The following HCFC1 variants were observed in gnomAD, a reference collection of about 807,000 sequenced individuals.
The protein encoded by HCFC1 is host cell factor C1.
A neutral mutation model predicts 105.5 loss-of-function variants in HCFC1; 7 were observed. The observed-to-expected ratio is 0.07, with a 90% CI of 0.04 to 0.12. The LOEUF (loss-of-function observed/expected upper bound fraction) is 0.12, where lower values mean the gene tolerates loss of function less well. Among genes scored for constraint, HCFC1 ranks in the 10% least tolerant of loss-of-function variants. The probability of loss-of-function intolerance (pLI) is 1.00; values close to 1 mark genes in which losing one functional copy is unlikely to be tolerated. For synonymous variants in HCFC1, 918 were observed against 828.1 expected, an observed-to-expected ratio of 1.11 and a Z score of -1.86; for missense variants, 1,065 against 1,823.6, an observed-to-expected ratio of 0.58 and a Z score of 7.58.
At position 153,954,838 on chromosome X, in the gene HCFC1, G is replaced by A. The variant is rs1272556365; in HGVS notation, c.3561C>T (p.Cys1187=). 8.7e-7 allele frequency: 1 copy of A among 1,150,897 alleles called. No homozygotes were observed. Among genetic ancestry groups the A allele is most frequent in the East Asian group, 3.3e-5 (1 of 30,749 alleles). 94.8% of individuals were successfully genotyped at this position (1,150,897 alleles called of 1,213,427 possible). A position where few individuals can be genotyped will look rare whatever the true frequency, so the allele number is the denominator to read the frequency against. Residue 1187 remains cysteine, a synonymous_variant, in exon 17 of 26, where the codon TGC becomes TGT. Coordinates refer to ENST00000310441, the MANE Select transcript of HCFC1 (RefSeq NM_005334.3). ...TCGGCCCAAGGAGTGGGCCGGCCGA[G>A]CACGGGGCCCCGGTGGCCATCACAG... is the stretch of plus-strand genomic sequence containing the variant. ...TMTVMATGAP[C]SAGPLLGPSM...
intron 13 of HCFC1, 57 bp downstream of exon 13, chrX:153,957,257 T>C (rs1603296380): frequency 1.9e-6 from 2 of 1,056,816 alleles, no homozygotes; most frequent in Non-Finnish European, 2.6e-6. Flanking sequence ...TAACCCGGAC[T>C]CCATTTCCCC....
intron 14 of HCFC1, 53 bp downstream of exon 14, chrX:153,956,865 T>A: frequency 8.3e-7 from 1 of 1,203,560 alleles, no homozygotes; most frequent in South Asian, 1.8e-5. Flanking sequence ...CGTGGCGTGC[T>A]GGGGTGGACT....
intron 18 of HCFC1, 152 bp from the exon 19 acceptor site, chrX:153,953,110 CCT>C (rs2065331251): frequency 3.8e-6 from 2 of 528,629 alleles, no homozygotes; most frequent in East Asian, 3.6e-5. Context: ...GAGAGAAGCC[CCT>C]GTCAGAGGGG....
At chrX:153,961,053 C>T (rs2065425072) in intron 6 of HCFC1, among the ~76,000 whole-genome samples, 1 of 112,860 alleles carries the variant, frequency 8.9e-6, no homozygotes, top group African/African-American at 3.2e-5. Flanking sequence ...GGCGCCTGTA[C>T]AAGTTACAGC....
At position 153,971,228 on chromosome X, in the gene HCFC1, T is replaced by C. The variant is rs1441550855; in HGVS notation, c.-388A>G. 1 of 307,145 alleles carries C rather than the reference T, an allele frequency of 3.3e-6. No individual in the cohort carries two copies. Among genetic ancestry groups the C allele is most frequent in the African/African-American group, 2.8e-5 (1 of 36,227 alleles). The allele number at this position is 307,145 out of a possible 1,213,427, so 25.3% of individuals were successfully genotyped here. A position where few individuals can be genotyped will look rare whatever the true frequency, so the allele number is the denominator to read the frequency against. ...AGTCGTAGCCCTCCCCCGCCGGAAA[T>C]GGCGGAGCCCCGGCCCGGTTCCCAC... On this transcript the variant is annotated 5_prime_UTR_variant, in exon 1 of 26. Coordinates refer to ENST00000310441, the MANE Select transcript of HCFC1 (RefSeq NM_005334.3).
rs782013907 is a variant in HCFC1 at position 153,954,308 on chromosome X, G to T, written c.4091C>A (p.Ser1364Tyr). 8.3e-7 allele frequency: 1 copy of T among 1,199,181 alleles called. No individual in the cohort carries two copies. Among genetic ancestry groups the T allele is most frequent in the Admixed American group, 2.2e-5 (1 of 45,492 alleles). ...GCTGACCGACATGGTGGTGCCAGTG[G>T]AAGTGGTCTGGTGTGTCTCACAGGG... ...GRPCETHQTT[S>Y]TGTTMSVSVG... Residue 1364 changes from serine (S) to tyrosine (Y), a missense_variant, in exon 17 of 26, where the codon TCC becomes TAC. By Grantham distance (144) the Ser-to-Tyr change is moderately radical. Transcript: ENST00000310441.
chrX:153,960,746 AAC>A (rs1332158131), intron 6 of HCFC1, among the ~76,000 whole-genome samples: 1 of 112,288 alleles, frequency 8.9e-6, no homozygotes, highest in Admixed American at 9.4e-5. Context: ...CTTAAGAAAA[AAC>A]ACACACTCTC....
chrX:153,960,013 G>A lies in HCFC1; in HGVS notation c.1233C>T (p.Ser411=). The A allele has an allele frequency of 1.7e-6, 2 of 1,208,746 alleles. No individual in the cohort carries two copies. Among genetic ancestry groups the A allele is most frequent in the Non-Finnish European group, 2.2e-6 (2 of 894,666 alleles). Residue 411 remains serine, a synonymous_variant, in exon 8 of 26, where the codon TCC becomes TCT. Coordinates refer to ENST00000310441, the MANE Select transcript of HCFC1 (RefSeq NM_005334.3). ...CAGATGGGACCGGATTGGGTGTAGG[G>A]GAGGTGGCAGTAGCAGCCGTGGCAG... ...DIPATAATAT[S]PTPNPVPSVP... is the part of the protein sequence containing the mutation.
rs147713593 is a variant in HCFC1 at position 153,963,003 on chromosome X, T to C, written c.712+222A>G. Among the ~76,000 whole-genome samples, 964 of 112,021 alleles carry C rather than the reference T, an allele frequency of 8.6e-3. 3 individuals carry two copies. The highest frequency in any genetic ancestry group is 0.015 in the Non-Finnish European group (814 of 53,057). On this transcript the variant is annotated intron_variant, in intron 4 of 25. Transcript: ENST00000310441. ...ATTCTCTTATAAGCCCGCAGACCAA[T>C]TCAGCCCACTCAGCCAGCACAGGGC...
chrX:153,959,512 C>T, intron 8 of HCFC1, 21 bp from the exon 9 acceptor site: 1 of 1,209,165 alleles, frequency 8.3e-7, no homozygotes, highest in African/African-American at 1.7e-5. Context: ...AAGGGGCCAG[C>T]CGTCAGCCAT....
chrX:153,954,604 C>T lies in HCFC1; in HGVS notation c.3795G>A (p.Ser1265=), dbSNP rs781894035. The stretch of plus-strand genomic sequence containing the variant: ...CTGTCACAGTCACTGTGGTGCTGGG[C>T]GAGCCACCCTGGAGGCTCTCGCACA... The part of the protein sequence containing the change: ...APVCESLQGG[S]PSTTVTVTAL... The change falls in exon 17 of 26, where the codon TCG becomes TCA. Residue 1265 remains serine, a synonymous_variant. Transcript: ENST00000310441. The T allele has an allele frequency of 5.0e-6, 6 of 1,208,670 alleles. No individual in the cohort carries two copies. Among genetic ancestry groups the T allele is most frequent in the Admixed American group, 2.2e-5 (1 of 45,979 alleles).
chrX:153,971,218 C>T lies in HCFC1; in HGVS notation c.-378G>A, dbSNP rs1394615965. ...TCCCTTCCTCAGTCGTAGCCCTCCC[C>T]CGCCGGAAATGGCGGAGCCCCGGCC... On this transcript the variant is annotated 5_prime_UTR_variant, in exon 1 of 26. Transcript: ENST00000310441. 3.2e-6 allele frequency: 1 copy of T among 309,166 alleles called. No individual in the cohort carries two copies. The highest frequency in any genetic ancestry group is 5.6e-6 in the Non-Finnish European group (1 of 178,436). The allele number at this position is 309,166 out of a possible 1,213,427, so 25.5% of individuals were successfully genotyped here.
At chrX:153,957,164 C>T in intron 13 of HCFC1, 104 bp from the exon 14 acceptor site, 1 of 1,005,069 alleles carries the variant, frequency 9.9e-7, no homozygotes, top group Non-Finnish European at 1.4e-6. Flanking sequence ...TAGCCCTGCC[C>T]ATCTCCTCAC....
Position 153,951,622 on chromosome X carries a change from G to A in HCFC1, c.5346C>T (p.Thr1782=), listed in dbSNP as rs782189273. 4.5e-5 allele frequency: 54 copies of A among 1,209,585 alleles called. No individual in the cohort carries two copies. The African/African-American group carries it at 6.8e-4, about 15-fold the overall frequency. Residue 1782 remains threonine (T), a synonymous_variant, in exon 21 of 26, where the codon ACC becomes ACT. Transcript: ENST00000310441. The stretch of plus-strand genomic sequence containing the variant: ...GGGACTCGATGCCATTGGCCACTTC[G>A]GTCAGGGTAGCTGCAGCCTGCAGCT... ...PAKLQAAATL[T]EVANGIESLG...
intron 8 of HCFC1, 149 bp from the exon 9 acceptor site, chrX:153,959,640 G>T: frequency 1.1e-6 from 1 of 939,297 alleles, no homozygotes; most frequent in South Asian, 2.3e-5. Flanking sequence ...TTCCACAGGT[G>T]GGGCCAGGCT....
At position 153,954,679 on chromosome X, in the gene HCFC1, A is replaced by G; in HGVS notation, c.3720T>C (p.Ala1240=). Residue 1240 remains alanine, a synonymous_variant, in exon 17 of 26, where the codon GCT becomes GCC. Transcript: ENST00000310441. ...AGRHSHAVST[A]AMTRSSVGAG... Reference sequence around the variant, plus strand: ...CACCCACGCTGGAACGGGTCATGGCAGCGGTGCTGACCGCATGGCTGTGGC... The same window carrying G: ...CACCCACGCTGGAACGGGTCATGGCGGCGGTGCTGACCGCATGGCTGTGGC... 8.3e-7 allele frequency: 1 copy of G among 1,205,671 alleles called. No homozygotes were observed. The highest frequency in any genetic ancestry group is 1.1e-6 in the Non-Finnish European group (1 of 892,971).
intron 12 of HCFC1, 37 bp from the exon 13 acceptor site, chrX:153,957,570 T>C (rs925874335): frequency 7.5e-6 from 8 of 1,073,439 alleles, no homozygotes; most frequent in African/African-American, 7.3e-5. Context: ...CCGGCATCAC[T>C]GCCAGGAAGG....
intron 15 of HCFC1, 67 bp downstream of exon 15, chrX:153,956,558 G>C: frequency 1.7e-6 from 2 of 1,176,791 alleles, no homozygotes; most frequent in Non-Finnish European, 1.2e-6. Context: ...GTGCCATGGG[G>C]ATTGAAGGCC....
At position 153,951,330 on chromosome X, in the gene HCFC1, C is replaced by G. The variant is rs782205550; in HGVS notation, c.5517+20G>C. 5.0e-6 allele frequency: 6 copies of G among 1,210,081 alleles called. No individual in the cohort carries two copies. Among genetic ancestry groups the G allele is most frequent in the Middle Eastern group, 4.8e-4 (2 of 4,206 alleles). On this transcript the variant is annotated intron_variant, in intron 22 of 25. Coordinates refer to ENST00000310441, the MANE Select transcript of HCFC1 (RefSeq NM_005334.3). ...CCAAGACCCACCCACCTGAGGACATCAGCACCTGGGGACACTTACGTCTGA... is the reference window on the plus strand; with the variant it reads ...CCAAGACCCACCCACCTGAGGACATGAGCACCTGGGGACACTTACGTCTGA...
Sources: gnomAD v4.1 joint callset for allele counts (sites outside exome capture counted in the v4.1 genomes callset) on GRCh38, gnomAD v4.1.1 for gene constraint, MANE v1.5 for transcripts, NCBI Gene and HGNC (gene_info 2026-07-23, HGNC 2026-07-21) for gene names.